The following BAZ1A variants were observed in gnomAD, a reference collection of about 807,000 sequenced individuals.
BAZ1A encodes bromodomain adjacent to zinc finger domain 1A.
In BAZ1A, 50 loss-of-function variants were observed where a neutral mutation model predicts 185.2. The observed-to-expected ratio is 0.27, with a 90% CI of 0.22 to 0.34. The LOEUF (loss-of-function observed/expected upper bound fraction) is 0.34. BAZ1A is among the 10% of genes least tolerant of loss of function. BAZ1A has a pLI of 1.00. For missense variants in BAZ1A, 1,356 were observed against 1,839.9 expected (o/e 0.74, Z 4.81); for synonymous variants, 571 against 615.6 (o/e 0.93, Z 1.07).
At chr14:34,829,922 C>T (rs986623139) in intron 3 of BAZ1A, among the ~76,000 whole-genome samples, 1 of 152,134 alleles carries the variant, frequency 6.6e-6, no homozygotes, top group Admixed American at 6.6e-5. Context: ...CTTGGTGTCT[C>T]ATCTCAGCTC....
intron 12 of BAZ1A, among the ~76,000 whole-genome samples, chr14:34,788,449 G>A (rs1163721323): frequency 2.6e-5 from 4 of 152,024 alleles, no homozygotes; most frequent in Admixed American, 6.6e-5. Flanking sequence ...GACTACAGGC[G>A]CATGCCACCA....
intron 3 of BAZ1A, among the ~76,000 whole-genome samples, chr14:34,832,943 A>G (rs2042272071): frequency 6.6e-6 from 1 of 152,256 alleles, no homozygotes; most frequent in South Asian, 2.1e-4. Context: ...ATGGATAAGC[A>G]AACTGTGGTA....
At chr14:34,850,864 C>A (rs1024291453) in intron 3 of BAZ1A, among the ~76,000 whole-genome samples, 3 of 152,106 alleles carry the variant, frequency 2.0e-5, no homozygotes, top group African/African-American at 7.2e-5. Context: ...TTGACAGATA[C>A]ATAGATTCCT....
chr14:34,848,819 A>G (rs2042555190), intron 3 of BAZ1A, among the ~76,000 whole-genome samples: 1 of 152,204 alleles, frequency 6.6e-6, no homozygotes, highest in South Asian at 2.1e-4. Context: ...CGGCCATTTT[A>G]CTGATTTAAC....
intron 3 of BAZ1A, among the ~76,000 whole-genome samples, chr14:34,843,427 C>T (rs1036280882): frequency 2.6e-5 from 4 of 152,112 alleles, no homozygotes; most frequent in African/African-American, 9.7e-5. Context: ...CAAGTTAGGG[C>T]TAGTCGCCTG....
At chr14:34,787,006 A>G (rs1880501418) in intron 12 of BAZ1A, among the ~76,000 whole-genome samples, 1 of 152,204 alleles carries the variant, frequency 6.6e-6, no homozygotes, top group Non-Finnish European at 1.5e-5. Flanking sequence ...TAAAGATGGC[A>G]CTACTGTAAT....
At chr14:34,813,509 C>A (rs1476678169) in intron 4 of BAZ1A, among the ~76,000 whole-genome samples, 2 of 151,656 alleles carry the variant, frequency 1.3e-5, no homozygotes, top group Non-Finnish European at 2.9e-5. Context: ...ATGGTGAAAC[C>A]CCGTTTCTAC....
intron 2 of BAZ1A, among the ~76,000 whole-genome samples, chr14:34,873,303 G>A (rs999555998): frequency 2.0e-5 from 3 of 152,084 alleles, no homozygotes; most frequent in Admixed American, 6.6e-5. Context: ...AGCCACAAAG[G>A]GACTCCTTTT....
intron 3 of BAZ1A, among the ~76,000 whole-genome samples, chr14:34,847,187 G>T (rs1371891056): frequency 6.6e-6 from 1 of 151,414 alleles, no homozygotes; most frequent in Non-Finnish European, 1.5e-5. Context: ...GGAGGTAGAG[G>T]TTTGCAGTGA....
At position 34,874,865 on chromosome 14, in the gene BAZ1A, C is replaced by G; in HGVS notation, c.-58-203G>C. On this transcript the variant is annotated intron_variant, in intron 1 of 26. Transcript: ENST00000360310. The surrounding 1 kb of genome is among the most constrained non-coding windows in gnomAD (Gnocchi z 4.7). The stretch of plus-strand genomic sequence containing the variant: ...GCCGCCCCTGCCCCCCGAGCGCGCC[C>G]TACCTCCTCTCGTCCTGCCGCCGCC... 5.3e-6 allele frequency: 2 copies of G among 374,204 alleles called. No homozygotes were observed. Among genetic ancestry groups the G allele is most frequent in the South Asian group, 3.9e-5 (1 of 25,826 alleles). 23.2% of individuals were successfully genotyped at this position (374,204 alleles called of 1,614,324 possible).
At chr14:34,786,614 T>TTTTTG (rs1203191559) in intron 12 of BAZ1A, 11 of 148,104 alleles carry the variant, frequency 7.4e-5, no homozygotes, top group African/African-American at 2.9e-4. Context: ...TGTTTTTTTT[T>TTTTTG]TTTTTTTTTT....
At chr14:34,853,980 T>A (rs1445352706) in intron 3 of BAZ1A, among the ~76,000 whole-genome samples, 1 of 152,226 alleles carries the variant, frequency 6.6e-6, no homozygotes. Flanking sequence ...GCCAAAAAGT[T>A]ATACAGGTAG....
chr14:34,872,615 A>C lies in BAZ1A; in HGVS notation c.113+1877T>G, dbSNP rs56123383. On this transcript the variant is annotated intron_variant, in intron 2 of 26. Transcript: ENST00000360310. Reference sequence around the variant, plus strand: ...GAACCTGTCTCAAAATAAGTAAATAAATAAAAATAATGGAAGACAGATAGT... The same window carrying C: ...GAACCTGTCTCAAAATAAGTAAATACATAAAAATAATGGAAGACAGATAGT... Among the ~76,000 whole-genome samples, 1,349 of 152,286 alleles carry C rather than the reference A, an allele frequency of 8.9e-3. 24 individuals carry two copies. The highest frequency in any genetic ancestry group is 0.031 in the African/African-American group (1,299 of 41,546).
At chr14:34,858,792 G>T in intron 3 of BAZ1A, among the ~76,000 whole-genome samples, 1 of 152,210 alleles carries the variant, frequency 6.6e-6, no homozygotes, top group Non-Finnish European at 1.5e-5. Context: ...GCAAGAAAAT[G>T]CTAAATTTCA....
At chr14:34,795,906 T>C (rs767536658) in intron 9 of BAZ1A, 141 bp from the exon 10 acceptor site, 8 of 596,008 alleles carry the variant, frequency 1.3e-5, no homozygotes, top group Non-Finnish European at 2.0e-5. Flanking sequence ...GGTTAGGACT[T>C]AGCAACTGGT....
chr14:34,778,023 C>T (rs571818057), intron 17 of BAZ1A, among the ~76,000 whole-genome samples: 1 of 152,070 alleles, frequency 6.6e-6, no homozygotes, highest in South Asian at 2.1e-4. Context: ...ATGGGGCCGG[C>T]CAGATTTGGC....
intron 18 of BAZ1A, among the ~76,000 whole-genome samples, chr14:34,774,701 A>G (rs1343000610): frequency 6.6e-6 from 1 of 152,164 alleles, no homozygotes; most frequent in African/African-American, 2.4e-5. Context: ...GCTTGAGCCC[A>G]GGAGTTTGAA....
intron 4 of BAZ1A, among the ~76,000 whole-genome samples, chr14:34,821,899 G>A (rs1342559386): frequency 1.3e-5 from 2 of 151,726 alleles, no homozygotes; most frequent in Non-Finnish European, 1.5e-5. Flanking sequence ...CAGGAGAATC[G>A]CTTGAACCTG....
intron 12 of BAZ1A, among the ~76,000 whole-genome samples, chr14:34,789,132 A>T (rs1332880056): frequency 6.6e-6 from 1 of 152,194 alleles, no homozygotes; most frequent in Non-Finnish European, 1.5e-5. Context: ...AAATTTCATC[A>T]ATGTTCATTT....
Sources: gnomAD v4.1 joint callset for allele counts (sites outside exome capture counted in the v4.1 genomes callset) on GRCh38, gnomAD v4.1.1 for gene constraint, Gnocchi (gnomAD v3.1) non-coding constraint, MANE v1.5 for transcripts, NCBI Gene and HGNC (gene_info 2026-07-23, HGNC 2026-07-21) for gene names.